NKAIN2: variants seen among roughly 807,000 people sequenced by gnomAD.
The protein encoded by NKAIN2 is sodium/potassium transporting ATPase interacting 2, also known as sodium/potassium-transporting ATPase subunit beta-1-interacting protein 2.
NKAIN2 carries 14 observed loss-of-function variants against 32.6 expected under a neutral mutation model. The ratio of observed to expected loss-of-function variants is 0.43; its 90% CI spans 0.28 to 0.67. The LOEUF (loss-of-function observed/expected upper bound fraction) is 0.67. Ranked by LOEUF, NKAIN2 falls within the 30% of genes least tolerant of loss-of-function variation. The pLI is 0.17. For synonymous variants in NKAIN2, 80 were observed against 87.2 expected (o/e 0.92, Z 0.46); for missense variants, 198 against 258.3 (o/e 0.77, Z 1.60).
intron 1 of NKAIN2, among the ~76,000 whole-genome samples, chr6:124,057,660 G>A (rs1782724211): frequency 6.7e-6 from 1 of 149,146 alleles, no homozygotes; most frequent in African/African-American, 2.5e-5. Flanking sequence ...TAATCCATCT[G>A]TACTATCAAA....
chr6:124,606,219 A>G (rs1040533087), intron 3 of NKAIN2, among the ~76,000 whole-genome samples: 1 of 151,850 alleles, frequency 6.6e-6, no homozygotes, highest in Non-Finnish European at 1.5e-5. Flanking sequence ...TCTTGGAAAT[A>G]TCTTGATCTC....
chr6:124,389,715 T>TTGTGTGTGTG (rs3052704), intron 3 of NKAIN2, among the ~76,000 whole-genome samples: 1 of 141,908 alleles, frequency 7.0e-6, no homozygotes, highest in Admixed American at 7.0e-5. Flanking sequence ...CTGTGTACAT[T>TTGTGTGTGTG]TGTGTGTGTG....
chr6:124,361,021 T>C (rs1799265052), intron 3 of NKAIN2, among the ~76,000 whole-genome samples: 1 of 152,114 alleles, frequency 6.6e-6, no homozygotes, highest in African/African-American at 2.4e-5. Context: ...ATATATCAAA[T>C]AGAGAGAAAT....
chr6:124,130,198 C>A (rs1476801172), intron 1 of NKAIN2, among the ~76,000 whole-genome samples: 2 of 152,096 alleles, frequency 1.3e-5, no homozygotes, highest in African/African-American at 4.8e-5. Flanking sequence ...GAATTTGGAT[C>A]CCATTACCCA....
chr6:124,061,921 G>A (rs537334422), intron 1 of NKAIN2, among the ~76,000 whole-genome samples: 1 of 152,232 alleles, frequency 6.6e-6, no homozygotes, highest in South Asian at 2.1e-4. Context: ...GAGCAAAGTA[G>A]AGCTAGAGAT....
At chr6:124,575,450 A>G (rs1412183231) in intron 3 of NKAIN2, among the ~76,000 whole-genome samples, 1 of 152,088 alleles carries the variant, frequency 6.6e-6, no homozygotes, top group Non-Finnish European at 1.5e-5. Flanking sequence ...TTCTCAAGTC[A>G]CTCCAAAGGT....
intron 1 of NKAIN2, among the ~76,000 whole-genome samples, chr6:124,128,723 G>T (rs534678052): frequency 1.3e-5 from 2 of 152,236 alleles, no homozygotes; most frequent in East Asian, 3.9e-4. Flanking sequence ...CTTCTTTCTT[G>T]CTGACATTCA....
chr6:124,204,815 A>G (rs776700629), intron 1 of NKAIN2, among the ~76,000 whole-genome samples: 1 of 151,706 alleles, frequency 6.6e-6, no homozygotes, highest in Non-Finnish European at 1.5e-5. Flanking sequence ...TAATTTAGCT[A>G]ATTTGATGTG....
rs577929702 is a variant in NKAIN2 at position 124,464,228 on chromosome 6, T to A, written c.273+108881T>A. Among the ~76,000 whole-genome samples the A allele has an allele frequency of 6.6e-5, 10 of 152,226 alleles. No individual in the cohort carries two copies. In the South Asian group the frequency reaches 2.1e-3, roughly 32 times the overall value. On this transcript the variant is annotated intron_variant, in intron 3 of 6. Transcript: ENST00000368417. ...GTCTTGAACTTGTGACCTCAAGTAATCTGCCTGCTTCAGTCTCCCGAAGTG... is the reference window on the plus strand; with the variant it reads ...GTCTTGAACTTGTGACCTCAAGTAAACTGCCTGCTTCAGTCTCCCGAAGTG...
At chr6:124,609,072 T>C (rs1432624229) in intron 3 of NKAIN2, among the ~76,000 whole-genome samples, 1 of 152,156 alleles carries the variant, frequency 6.6e-6, no homozygotes, top group Non-Finnish European at 1.5e-5. Context: ...TCCATGAACA[T>C]AGGAATTGTT....
intron 3 of NKAIN2, among the ~76,000 whole-genome samples, chr6:124,472,237 G>C (rs1777004194): frequency 6.6e-6 from 1 of 152,186 alleles, no homozygotes; most frequent in East Asian, 1.9e-4. Flanking sequence ...TGAATTTTTG[G>C]AAAAATATCT....
intron 1 of NKAIN2, among the ~76,000 whole-genome samples, chr6:123,847,830 A>T (rs1775155937): frequency 6.6e-6 from 1 of 152,170 alleles, no homozygotes; most frequent in Admixed American, 6.5e-5. Context: ...AATCTTAAAA[A>T]AATGCTGTGG....
chr6:123,905,750 G>A (rs945415533), intron 1 of NKAIN2, among the ~76,000 whole-genome samples: 1 of 152,158 alleles, frequency 6.6e-6, no homozygotes, highest in Admixed American at 6.5e-5. Context: ...TACCAATGGG[G>A]ATGGAAGTGA....
At chr6:123,956,604 AC>A (rs1201477524) in intron 1 of NKAIN2, among the ~76,000 whole-genome samples, 2 of 152,152 alleles carry the variant, frequency 1.3e-5, no homozygotes, top group African/African-American at 4.8e-5. Context: ...CATTTAAGCC[AC>A]CCCATCTGTG....
chr6:124,062,491 C>T (rs142590969), intron 1 of NKAIN2, among the ~76,000 whole-genome samples: 7 of 152,266 alleles, frequency 4.6e-5, no homozygotes, highest in Admixed American at 2.6e-4. Context: ...TGCAGTGGCA[C>T]GAGCATGGCT....
intron 3 of NKAIN2, among the ~76,000 whole-genome samples, chr6:124,570,033 C>T (rs368575654): frequency 2.6e-5 from 4 of 152,042 alleles, no homozygotes; most frequent in South Asian, 2.1e-4. Flanking sequence ...GGAACTGGAG[C>T]GAAGGTGACT....
chr6:124,261,186 A>G (rs1179946058), intron 1 of NKAIN2, among the ~76,000 whole-genome samples: 3 of 152,240 alleles, frequency 2.0e-5, no homozygotes, highest in African/African-American at 4.8e-5. Flanking sequence ...TCCAGATAGG[A>G]GAAATAAACA....
At chr6:124,305,639 G>T (rs1796476771) in intron 2 of NKAIN2, among the ~76,000 whole-genome samples, 1 of 152,072 alleles carries the variant, frequency 6.6e-6, no homozygotes, top group African/African-American at 2.4e-5. Context: ...ATACTCCCGG[G>T]GTCATACTTT....
chr6:124,012,166 A>G (rs1780363351), intron 1 of NKAIN2, among the ~76,000 whole-genome samples: 1 of 151,476 alleles, frequency 6.6e-6, no homozygotes, highest in African/African-American at 2.4e-5. Context: ...AATACCCATC[A>G]CCCCCAAATT....
Sources: allele counts gnomAD v4.1 joint callset (sites outside exome capture counted in the v4.1 genomes callset), GRCh38; gene constraint gnomAD v4.1.1; transcripts MANE v1.5; gene names NCBI Gene and HGNC (gene_info 2026-07-23, HGNC 2026-07-21).